Variants in RAB11FIP4 observed in about 807,000 individuals in gnomAD.
The protein encoded by RAB11FIP4 is RAB11 family interacting protein 4, also known as rab11 family-interacting protein 4.
A neutral mutation model predicts 74.3 loss-of-function variants in RAB11FIP4; 23 were observed. That is an observed-to-expected ratio of 0.31 (90% CI 0.22 to 0.44). The LOEUF (loss-of-function observed/expected upper bound fraction) is 0.44. Among genes scored for constraint, RAB11FIP4 ranks in the 20% least tolerant of loss-of-function variants. The probability of loss-of-function intolerance (pLI) is 1.00; values close to 1 mark genes in which losing one functional copy is unlikely to be tolerated. For missense variants in RAB11FIP4, 630 were observed against 863.9 expected (o/e 0.73, Z 3.39); for synonymous variants, 360 against 359.9 (o/e 1.00, Z 0.00).
At chr17:31,474,415 T>C (rs1223221619) in intron 3 of RAB11FIP4, among the ~76,000 whole-genome samples, 1 of 152,172 alleles carries the variant, frequency 6.6e-6, no homozygotes, top group African/African-American at 2.4e-5. Flanking sequence ...CTCACACCTG[T>C]AATCCCAGCA....
Position 31,430,731 on chromosome 17 carries a change from G to A in RAB11FIP4, c.160-1082G>A, listed in dbSNP as rs565097479. 1.6e-4 allele frequency among the ~76,000 whole-genome samples: 24 copies of A among 152,184 alleles called. No homozygotes were observed. The South Asian group carries it at 4.3e-3, about 28-fold the overall frequency. ...TTTTAAGCAGAGGAGTGGGTGACAC[G>A]ATCCAGTTAGACTTGCATGATCCAG... On this transcript the variant is annotated intron_variant, in intron 1 of 14. Coordinates refer to ENST00000621161, the MANE Select transcript of RAB11FIP4 (RefSeq NM_032932.6).
chr17:31,506,949 C>T (rs532228092), intron 3 of RAB11FIP4, among the ~76,000 whole-genome samples: 94 of 152,254 alleles, frequency 6.2e-4, no homozygotes, highest in Admixed American at 1.0e-3. Flanking sequence ...CTTTGAGGAA[C>T]CTCCATACCG....
intron 7 of RAB11FIP4, 58 bp downstream of exon 7, chr17:31,522,453 C>T (rs1247817478): frequency 1.1e-5 from 17 of 1,552,834 alleles, no homozygotes; most frequent in South Asian, 9.1e-5. Flanking sequence ...GCCCACTGGC[C>T]GGGGCTCCCT....
chr17:31,472,528 A>C (rs1162420201), intron 3 of RAB11FIP4, among the ~76,000 whole-genome samples: 1 of 152,236 alleles, frequency 6.6e-6, no homozygotes, highest in Non-Finnish European at 1.5e-5. Context: ...ACACCTGCGC[A>C]CAGGAAGACA....
chr17:31,487,970 CCGCCCCGCCCCGGCGCGA>C (rs1171172223), intron 3 of RAB11FIP4: 5 of 888,596 alleles, frequency 5.6e-6, no homozygotes, highest in Non-Finnish European at 6.8e-6. Context: ...GCCCCCGCCC[CCGCCCCGCCCCGGCGCGA>C]GGCCCCGCCC....
rs2071026387 is a variant in RAB11FIP4, at chr17:31,404,656, G to C, written c.159+12645G>C. Among the ~76,000 whole-genome samples, 5 of 152,236 alleles carry C rather than the reference G, an allele frequency of 3.3e-5. No homozygotes were observed. In the South Asian group the frequency reaches 1.0e-3, roughly 32 times the overall value. On this transcript the variant is annotated intron_variant, in intron 1 of 14. Transcript: ENST00000621161. Reference sequence around the variant, plus strand: ...ATCCACTCTTTTACAGATTTTTTGAGGTCAGATTCTGTGTCATGTTTGGGG... The same window carrying C: ...ATCCACTCTTTTACAGATTTTTTGACGTCAGATTCTGTGTCATGTTTGGGG...
intron 3 of RAB11FIP4, among the ~76,000 whole-genome samples, chr17:31,473,983 T>C (rs1325476272): frequency 1.3e-5 from 2 of 152,152 alleles, no homozygotes. Context: ...TGAAGGCTGG[T>C]CCAGGTGGGG....
intron 3 of RAB11FIP4, among the ~76,000 whole-genome samples, chr17:31,441,675 C>T (rs563356998): frequency 2.0e-5 from 3 of 151,948 alleles, no homozygotes; most frequent in African/African-American, 7.2e-5. Flanking sequence ...TTACAGGCGC[C>T]CACGACCATG....
chr17:31,521,427 G>A, intron 5 of RAB11FIP4, 67 bp downstream of exon 5: 2 of 1,398,976 alleles, frequency 1.4e-6, no homozygotes, highest in Non-Finnish European at 9.7e-7. Context: ...CACATCCTAG[G>A]GGGTGGGGGG....
Position 31,532,608 on chromosome 17 carries a change from C to T in RAB11FIP4, c.*876C>T, listed in dbSNP as rs914020483. 3.3e-5 allele frequency: 5 copies of T among 152,468 alleles called. No individual in the cohort carries two copies. The highest frequency in any genetic ancestry group is 1.2e-4 in the African/African-American group (5 of 41,572). The allele number at this position is 152,468 out of a possible 1,614,324, so 9.4% of individuals were successfully genotyped here. ...TTTTGGGGAGGAACACAACTCCCAT[C>T]CCAGTCAGTTTCCTTCCCATGGCTG... On this transcript the variant is annotated 3_prime_UTR_variant, in exon 15 of 15. Coordinates refer to ENST00000621161, the MANE Select transcript of RAB11FIP4 (RefSeq NM_032932.6).
intron 1 of RAB11FIP4, among the ~76,000 whole-genome samples, chr17:31,399,664 G>A (rs143568495): frequency 0.016 from 2,487 of 152,164 alleles, 82 homozygotes; most frequent in African/African-American, 0.056. Flanking sequence ...AGTGAGCTGA[G>A]ATTGCACCAC....
chr17:31,415,688 G>A (rs577751318), intron 1 of RAB11FIP4, among the ~76,000 whole-genome samples: 22 of 152,244 alleles, frequency 1.4e-4, no homozygotes, highest in South Asian at 1.2e-3. Context: ...GGAGCTCAGC[G>A]AGACCACTCA....
chr17:31,454,556 G>A (rs998945005), intron 3 of RAB11FIP4, among the ~76,000 whole-genome samples: 2 of 152,060 alleles, frequency 1.3e-5, no homozygotes, highest in Non-Finnish European at 2.9e-5. Context: ...TTACAGGCAT[G>A]AGCCACTGTG....
chr17:31,523,850 G>T, intron 8 of RAB11FIP4, 43 bp from the exon 9 acceptor site: 1 of 1,453,238 alleles, frequency 6.9e-7, no homozygotes, highest in Non-Finnish European at 9.6e-7. Context: ...CGGTTCTGTG[G>T]CCTCAGAGGT....
At chr17:31,401,259 GA>G (rs2070983059) in intron 1 of RAB11FIP4, among the ~76,000 whole-genome samples, 1 of 147,302 alleles carries the variant, frequency 6.8e-6, no homozygotes, top group Non-Finnish European at 1.5e-5. Context: ...GCGACACAGC[GA>G]GACTCTGTCT....
At chr17:31,452,479 A>G (rs2082567197) in intron 3 of RAB11FIP4, among the ~76,000 whole-genome samples, 1 of 152,134 alleles carries the variant, frequency 6.6e-6, no homozygotes. Flanking sequence ...TGTGCGTGTC[A>G]ATCACTGATC....
At chr17:31,526,508 C>G (rs897286135) in intron 10 of RAB11FIP4, 1 of 152,236 alleles carries the variant, frequency 6.6e-6, no homozygotes, top group Non-Finnish European at 1.5e-5. Flanking sequence ...GGCCCAGAAG[C>G]CATCCTTCCA....
At chr17:31,460,567 G>C (rs1342840374) in intron 3 of RAB11FIP4, among the ~76,000 whole-genome samples, 3 of 152,126 alleles carry the variant, frequency 2.0e-5, no homozygotes, top group Non-Finnish European at 4.4e-5. Context: ...TAGAAATGTT[G>C]GTGGCTATAA....
rs971933231 is a variant in RAB11FIP4 at position 31,531,893 on chromosome 17, C to T, written c.*161C>T. The stretch of plus-strand genomic sequence containing the variant: ...TGTATATGTGGGGAGGCTGTGCACA[C>T]GAGCGAGGGGTGAGTGGCCGTGGCT... On this transcript the variant is annotated 3_prime_UTR_variant, in exon 15 of 15. Coordinates refer to ENST00000621161, the MANE Select transcript of RAB11FIP4 (RefSeq NM_032932.6). 5.3e-5 allele frequency: 33 copies of T among 623,098 alleles called. No homozygotes were observed. The highest frequency in any genetic ancestry group is 7.4e-5 in the Non-Finnish European group (26 of 350,318). 38.6% of individuals were successfully genotyped at this position (623,098 alleles called of 1,614,324 possible). A position where few individuals can be genotyped will look rare whatever the true frequency, so the allele number is the denominator to read the frequency against.
Sources: allele counts gnomAD v4.1 joint callset (sites outside exome capture counted in the v4.1 genomes callset), GRCh38; gene constraint gnomAD v4.1.1; transcripts MANE v1.5; gene names NCBI Gene and HGNC (gene_info 2026-07-23, HGNC 2026-07-21).